PARVA: variants seen among roughly 807,000 people sequenced by gnomAD.
PARVA encodes alpha-parvin.
A neutral mutation model predicts 52.6 loss-of-function variants in PARVA; 25 were observed. The observed-to-expected ratio is 0.48, with a 90% CI of 0.35 to 0.66. The LOEUF (loss-of-function observed/expected upper bound fraction) is 0.66, where lower values mean the gene tolerates loss of function less well. Ranked by LOEUF, PARVA falls within the 30% of genes least tolerant of loss-of-function variation. PARVA has a pLI of 0.01. For missense variants in PARVA, 373 were observed against 450.9 expected (o/e 0.83, Z 1.56); for synonymous variants, 185 against 179.1 (o/e 1.03, Z -0.26).
At chr11:12,387,567 G>GTT (rs1217386664) in intron 1 of PARVA, among the ~76,000 whole-genome samples, 27 of 151,914 alleles carry the variant, frequency 1.8e-4, no homozygotes, top group East Asian at 5.8e-4. Flanking sequence ...GTGTGTGTGT[G>GTT]TGTGTGTATG....
chr11:12,499,649 A>G (rs1355345107), intron 5 of PARVA, among the ~76,000 whole-genome samples: 1 of 152,158 alleles, frequency 6.6e-6, no homozygotes, highest in Non-Finnish European at 1.5e-5. Flanking sequence ...TGGGAAAGTC[A>G]GGGCATAGAG....
intron 1 of PARVA, among the ~76,000 whole-genome samples, chr11:12,460,891 C>G (rs546502392): frequency 6.6e-6 from 1 of 152,316 alleles, no homozygotes; most frequent in Admixed American, 6.5e-5. Context: ...GCTTAGGGTT[C>G]TGCTGACAGC....
At chr11:12,519,555 A>C (rs1941611632) in intron 12 of PARVA, among the ~76,000 whole-genome samples, 1 of 152,176 alleles carries the variant, frequency 6.6e-6, no homozygotes, top group Non-Finnish European at 1.5e-5. Flanking sequence ...AGGTGATACC[A>C]CTTCTGTCTT....
intron 4 of PARVA, among the ~76,000 whole-genome samples, chr11:12,491,927 A>G (rs1430600282): frequency 6.6e-6 from 1 of 152,224 alleles, no homozygotes; most frequent in Admixed American, 6.5e-5. Context: ...GACTATGCCC[A>G]TAAAGCAAAT....
intron 6 of PARVA, among the ~76,000 whole-genome samples, chr11:12,508,126 A>AAAC (rs1941459158): frequency 1.5e-5 from 1 of 66,490 alleles, no homozygotes; most frequent in African/African-American, 7.7e-5. Context: ...AAAAAAACCA[A>AAAC]AAAAAAAAAC....
intron 1 of PARVA, among the ~76,000 whole-genome samples, chr11:12,378,375 C>T (rs1224287833): frequency 6.6e-6 from 1 of 152,060 alleles, no homozygotes; most frequent in African/African-American, 2.4e-5. Flanking sequence ...AGGTGGACAT[C>T]GAGTGTTTGT....
intron 12 of PARVA, among the ~76,000 whole-genome samples, chr11:12,523,596 TAGAA>T (rs1941665193): frequency 1.3e-5 from 2 of 152,144 alleles, no homozygotes; most frequent in Non-Finnish European, 2.9e-5. Context: ...CCTCTCCTGA[TAGAA>T]AGAGTCACTA....
At chr11:12,511,338 C>T (rs1002566829) in intron 7 of PARVA, among the ~76,000 whole-genome samples, 176 bp from the exon 8 acceptor site, 1 of 152,020 alleles carries the variant, frequency 6.6e-6, no homozygotes, top group Non-Finnish European at 1.5e-5. Flanking sequence ...AATTGGAGGC[C>T]GTGCAGAATA....
chr11:12,511,235 A>T (rs1214527408), intron 7 of PARVA, among the ~76,000 whole-genome samples: 1 of 152,148 alleles, frequency 6.6e-6, no homozygotes, highest in Non-Finnish European at 1.5e-5. Flanking sequence ...GCAAAAAGTG[A>T]TCCTTTAGGC....
chr11:12,433,893 A>G (rs1384862493), intron 1 of PARVA, among the ~76,000 whole-genome samples: 1 of 152,206 alleles, frequency 6.6e-6, no homozygotes, highest in Non-Finnish European at 1.5e-5. Flanking sequence ...TATGGAATAA[A>G]GTGTGGAAAA....
chr11:12,517,896 C>T (rs939486621), intron 11 of PARVA, among the ~76,000 whole-genome samples, 185 bp downstream of exon 11: 14 of 152,318 alleles, frequency 9.2e-5, no homozygotes, highest in South Asian at 6.2e-4. Context: ...GACCACTGGG[C>T]ATCCCTGACT....
chr11:12,491,008 CA>C (rs1374229579), intron 4 of PARVA, among the ~76,000 whole-genome samples: 4 of 148,430 alleles, frequency 2.7e-5, no homozygotes, highest in African/African-American at 7.4e-5. Flanking sequence ...AACATTAATC[CA>C]AAAAAAAACA....
At chr11:12,391,606 TCTC>T (rs1190385704) in intron 1 of PARVA, among the ~76,000 whole-genome samples, 3 of 152,202 alleles carry the variant, frequency 2.0e-5, no homozygotes, top group Non-Finnish European at 4.4e-5. Context: ...GACAATTTCA[TCTC>T]CTACCTGCAT....
At chr11:12,417,346 G>A (rs765923748) in intron 1 of PARVA, among the ~76,000 whole-genome samples, 36 of 151,968 alleles carry the variant, frequency 2.4e-4, no homozygotes, top group Non-Finnish European at 4.3e-4. Context: ...AAAATATACC[G>A]CAGTTCTATA....
chr11:12,490,785 C>T (rs990799061), intron 4 of PARVA, among the ~76,000 whole-genome samples: 10 of 151,990 alleles, frequency 6.6e-5, no homozygotes, highest in African/African-American at 2.2e-4. Context: ...CCCATACAAC[C>T]GTAGCACATA....
rs1435947443 is a variant in PARVA at position 12,384,546 on chromosome 11, A to G, written c.136+6763A>G. On this transcript the variant is annotated intron_variant, in intron 1 of 12. Coordinates refer to ENST00000334956, the MANE Select transcript of PARVA (RefSeq NM_018222.5). ...GAGCAGAATAAAGCAAGAAAAAGAG[A>G]AATAGAGGGTTGTGGTCTGAGGATG... 2.0e-5 allele frequency among the ~76,000 whole-genome samples: 3 copies of G among 152,184 alleles called. No individual in the cohort carries two copies. The East Asian group carries it at 5.8e-4, about 29-fold the overall frequency.
chr11:12,495,009 C>T (rs1160426982), intron 4 of PARVA, among the ~76,000 whole-genome samples: 1 of 152,144 alleles, frequency 6.6e-6, no homozygotes, highest in Non-Finnish European at 1.5e-5. Context: ...ATTACATCAT[C>T]TGAAAATAAT....
chr11:12,518,046 C>T (rs1236119351), intron 11 of PARVA, among the ~76,000 whole-genome samples: 2 of 152,234 alleles, frequency 1.3e-5, no homozygotes, highest in Non-Finnish European at 1.5e-5. Flanking sequence ...CATGCTTAGC[C>T]TGGTTCTGAT....
intron 1 of PARVA, among the ~76,000 whole-genome samples, chr11:12,413,724 G>T (rs374621526): frequency 6.6e-6 from 1 of 152,178 alleles, no homozygotes; most frequent in Non-Finnish European, 1.5e-5. Flanking sequence ...TGGCACAGGC[G>T]GCTCCTTGTC....
Sources: allele counts gnomAD v4.1 joint callset (sites outside exome capture counted in the v4.1 genomes callset), GRCh38; gene constraint gnomAD v4.1.1; transcripts MANE v1.5; gene names NCBI Gene and HGNC (gene_info 2026-07-23, HGNC 2026-07-21).